Variants in RBFOX1 observed in about 807,000 individuals in gnomAD.
The protein encoded by RBFOX1 is RNA binding fox-1 homolog 1, also known as RNA binding protein fox-1 homolog 1.
Under a neutral mutation model 57.7 loss-of-function variants are expected in RBFOX1, and 8 were observed. The ratio of observed to expected loss-of-function variants is 0.14; its 90% CI spans 0.08 to 0.25. RBFOX1 has a LOEUF of 0.25. RBFOX1 is among the 10% of genes least tolerant of loss of function. The pLI, the probability that RBFOX1 is intolerant of heterozygous loss-of-function variation, is 1.00. For synonymous variants in RBFOX1, 326 were observed against 222.4 expected, an observed-to-expected ratio of 1.47 and a Z score of -4.15; for missense variants, 611 against 548.5, an observed-to-expected ratio of 1.11 and a Z score of -1.14.
intron 2 of RBFOX1, among the ~76,000 whole-genome samples, chr16:6,356,749 C>G (rs1183628142): frequency 3.9e-5 from 6 of 152,158 alleles, no homozygotes; most frequent in Non-Finnish European, 8.8e-5. Flanking sequence ...GGGAATCATT[C>G]CAAGTGCAGA....
chr16:7,066,777 G>C (rs964737570), intron 4 of RBFOX1, among the ~76,000 whole-genome samples: 1 of 152,136 alleles, frequency 6.6e-6, no homozygotes, highest in African/African-American at 2.4e-5. Context: ...AGGGAGAAAA[G>C]TGAAAGAAAA....
In RBFOX1 at chr16:6,297,476, T is replaced by A. The variant is rs548621812; in HGVS notation, c.-126-19519T>A. 5.9e-5 allele frequency among the ~76,000 whole-genome samples: 9 copies of A among 152,238 alleles called. No homozygotes were observed. In the South Asian group the frequency reaches 1.4e-3, roughly 25 times the overall value. The stretch of plus-strand genomic sequence containing the variant: ...CTTAGCATTACTGTGACCTTGGGCA[T>A]TTTATAAAATGCCTGTGAATGCCTC... On this transcript the variant is annotated intron_variant, in intron 1 of 15. Coordinates refer to ENST00000550418, the MANE Select transcript of RBFOX1 (RefSeq NM_018723.4).
chr16:7,528,742 C>G (rs537274282), intron 5 of RBFOX1, among the ~76,000 whole-genome samples: 1 of 152,140 alleles, frequency 6.6e-6, no homozygotes, highest in East Asian at 1.9e-4. Flanking sequence ...ATTTTATGCC[C>G]TTAATTCATG....
intron 3 of RBFOX1, among the ~76,000 whole-genome samples, chr16:5,672,825 A>AGG (rs1302070489): frequency 4.6e-5 from 7 of 151,844 alleles, no homozygotes; most frequent in African/African-American, 1.7e-4. Context: ...GAGAAATAAG[A>AGG]GAGGGATGAT....
intron 1 of RBFOX1, among the ~76,000 whole-genome samples, chr16:6,233,261 A>G (rs913927135): frequency 9.9e-5 from 15 of 152,106 alleles, no homozygotes; most frequent in African/African-American, 2.9e-4. Context: ...TGAGTTAGAG[A>G]AGCCCCAAAC....
downstream of RBFOX1, among the ~76,000 whole-genome samples, chr16:5,603,636 T>A (rs538367471): frequency 2.6e-5 from 4 of 152,334 alleles, no homozygotes; most frequent in South Asian, 8.3e-4. Context: ...AGCCACACTT[T>A]CCTTGATTAT....
chr16:5,502,947 C>T (rs1297725039), intron 2 of RBFOX1, among the ~76,000 whole-genome samples: 1 of 152,238 alleles, frequency 6.6e-6, no homozygotes, highest in African/African-American at 2.4e-5. Context: ...TCTGATCTTG[C>T]TACAACGATT....
intron 1 of RBFOX1, among the ~76,000 whole-genome samples, chr16:6,276,321 T>C (rs972008674): frequency 1.3e-5 from 2 of 151,350 alleles, no homozygotes; most frequent in African/African-American, 4.8e-5. Context: ...CTCATAGAAA[T>C]ATGTGTTAGT....
At chr16:5,470,982 G>T (rs2069115564) in intron 2 of RBFOX1, among the ~76,000 whole-genome samples, 1 of 152,132 alleles carries the variant, frequency 6.6e-6, no homozygotes, top group South Asian at 2.1e-4. Flanking sequence ...CTCCTAAGTA[G>T]CTGGGATGAC....
At chr16:7,312,372 C>A (rs183775465) in intron 4 of RBFOX1, among the ~76,000 whole-genome samples, 3 of 152,312 alleles carry the variant, frequency 2.0e-5, no homozygotes, top group Admixed American at 1.3e-4. Context: ...AAGAGTGAAA[C>A]TCTTTCTCAA....
intron 1 of RBFOX1, among the ~76,000 whole-genome samples, chr16:5,442,207 A>T (rs145812564): frequency 3.3e-5 from 5 of 152,340 alleles, no homozygotes; most frequent in Admixed American, 3.3e-4. Flanking sequence ...ATTTAGTGGG[A>T]ACACATTTGA....
chr16:5,772,714 G>C (rs1202811530), intron 3 of RBFOX1, among the ~76,000 whole-genome samples: 2 of 152,296 alleles, frequency 1.3e-5, no homozygotes, highest in African/African-American at 4.8e-5. Flanking sequence ...TTTGCTGAGA[G>C]GAACAGATCT....
intron 2 of RBFOX1, among the ~76,000 whole-genome samples, chr16:6,584,797 T>C (rs143739414): frequency 3.3e-5 from 5 of 152,242 alleles, no homozygotes; most frequent in East Asian, 1.9e-4. Flanking sequence ...CACTGAAGGA[T>C]TGTGATTAAG....
intron 4 of RBFOX1, among the ~76,000 whole-genome samples, chr16:7,064,836 A>G (rs902081235): frequency 2.6e-5 from 4 of 152,212 alleles, no homozygotes; most frequent in African/African-American, 4.8e-5. Flanking sequence ...ATTTAATTAC[A>G]TATTCTAAAT....
At chr16:6,983,724 C>T (rs915569568) in intron 3 of RBFOX1, 3 of 152,430 alleles carry the variant, frequency 2.0e-5, no homozygotes, top group South Asian at 4.1e-4. Context: ...TGAAGGTCTG[C>T]TCTTCTGCTC....
At chr16:6,471,787 T>C (rs1032786159) in intron 2 of RBFOX1, among the ~76,000 whole-genome samples, 1 of 152,140 alleles carries the variant, frequency 6.6e-6, no homozygotes, top group Non-Finnish European at 1.5e-5. Context: ...AGGCTGGCCA[T>C]GTCTTGTGCA....
intron 4 of RBFOX1, among the ~76,000 whole-genome samples, chr16:7,292,288 CATATATG>C (rs1288498828): frequency 6.7e-5 from 8 of 119,650 alleles, no homozygotes; most frequent in South Asian, 2.5e-4. Flanking sequence ...TATCATATAT[CATATATG>C]ATATATGATA....
intron 5 of RBFOX1, among the ~76,000 whole-genome samples, chr16:7,570,895 T>C (rs1223583662): frequency 6.6e-6 from 1 of 152,194 alleles, no homozygotes; most frequent in Non-Finnish European, 1.5e-5. Flanking sequence ...TGAAATACTA[T>C]GTAGCCATGA....
At chr16:6,200,001 A>G (rs1046444478) in intron 1 of RBFOX1, among the ~76,000 whole-genome samples, 1 of 152,144 alleles carries the variant, frequency 6.6e-6, no homozygotes, top group Non-Finnish European at 1.5e-5. Flanking sequence ...GACAATGAGC[A>G]GGGGTTGATG....
Sources: gnomAD v4.1 joint callset for allele counts (sites outside exome capture counted in the v4.1 genomes callset) on GRCh38, gnomAD v4.1.1 for gene constraint, MANE v1.5 for transcripts, NCBI Gene and HGNC (gene_info 2026-07-23, HGNC 2026-07-21) for gene names.